Variants in ZNF521 observed in about 807,000 individuals in gnomAD.
ZNF521 encodes the protein LYST-interacting protein 3.
In ZNF521, 14 loss-of-function variants were observed where a neutral mutation model predicts 105.5. The ratio of observed to expected loss-of-function variants is 0.13; its 90% CI spans 0.09 to 0.21. The LOEUF is 0.21. Ranked by LOEUF, ZNF521 falls within the 10% of genes least tolerant of loss-of-function variation. The pLI is 1.00. For synonymous variants in ZNF521, 635 were observed against 606.0 expected, an observed-to-expected ratio of 1.05 and a Z score of -0.70; for missense variants, 1,233 against 1,629.7, an observed-to-expected ratio of 0.76 and a Z score of 4.19.
chr18:25,300,320 TG>T (rs1280761885), intron 3 of ZNF521, among the ~76,000 whole-genome samples: 1 of 152,234 alleles, frequency 6.6e-6, no homozygotes, highest in Admixed American at 6.5e-5. Context: ...AAATTCTTAT[TG>T]TTTTGTAGCT....
chr18:25,164,764 G>T (rs953907037), intron 5 of ZNF521, among the ~76,000 whole-genome samples: 1 of 152,208 alleles, frequency 6.6e-6, no homozygotes, highest in African/African-American at 2.4e-5. Context: ...CAGGAGGGGG[G>T]CACTCAATTC....
intron 2 of ZNF521, among the ~76,000 whole-genome samples, chr18:25,338,252 T>C (rs1458539539): frequency 7.0e-6 from 1 of 143,214 alleles, no homozygotes; most frequent in East Asian, 2.1e-4. Flanking sequence ...CAACCTCTCA[T>C]AGACTTTTGT....
intron 4 of ZNF521, among the ~76,000 whole-genome samples, chr18:25,215,997 T>C (rs924250005): frequency 2.0e-5 from 3 of 152,214 alleles, no homozygotes; most frequent in African/African-American, 4.8e-5. Context: ...TCCTGTAAAT[T>C]TTCTATTTAA....
In ZNF521 at chr18:25,322,191, A is replaced by C. The variant is rs1222305126; in HGVS notation, c.41-4T>G. 2 of 1,613,776 alleles carry C rather than the reference A, an allele frequency of 1.2e-6. No individual in the cohort carries two copies. Among genetic ancestry groups the C allele is most frequent in the Non-Finnish European group, 1.7e-6 (2 of 1,179,822 alleles). ...TCTTCAAGTTTACAGTTGGGGTCTG[A>C]AAAATATCAACACTGTAAGTATGGG... On this transcript the variant is annotated splice_region_variant and splice_polypyrimidine_tract_variant and intron_variant, in intron 2 of 7. Coordinates refer to ENST00000361524, the MANE Select transcript of ZNF521 (RefSeq NM_015461.3).
chr18:25,258,296 T>A (rs1268253503), intron 3 of ZNF521, among the ~76,000 whole-genome samples: 10 of 152,174 alleles, frequency 6.6e-5, no homozygotes, highest in Non-Finnish European at 1.5e-4. Flanking sequence ...GACAGCATTC[T>A]TAGAATATGC....
intron 3 of ZNF521, chr18:25,273,355 C>T (rs1909810845): frequency 6.7e-6 from 1 of 150,276 alleles, no homozygotes; most frequent in Admixed American, 6.6e-5. Flanking sequence ...TACTGGATAG[C>T]TTCCCTCACT....
chr18:25,339,546 A>G (rs774887264), intron 2 of ZNF521, among the ~76,000 whole-genome samples: 1 of 152,222 alleles, frequency 6.6e-6, no homozygotes, highest in Non-Finnish European at 1.5e-5. Context: ...GATATAGACA[A>G]TATGTCTCCT....
intron 4 of ZNF521, among the ~76,000 whole-genome samples, chr18:25,196,442 C>T (rs2035902974): frequency 6.6e-6 from 1 of 151,312 alleles, no homozygotes; most frequent in Admixed American, 6.6e-5. Flanking sequence ...AAACATTTAG[C>T]ATAATTCAAG....
intron 5 of ZNF521, among the ~76,000 whole-genome samples, chr18:25,147,310 A>G (rs964807417): frequency 1.3e-5 from 2 of 152,192 alleles, no homozygotes; most frequent in Non-Finnish European, 2.9e-5. Context: ...CATATTTTAT[A>G]AGGAAGTTTT....
At chr18:25,101,858 T>C (rs1354390790) in intron 5 of ZNF521, among the ~76,000 whole-genome samples, 3 of 152,166 alleles carry the variant, frequency 2.0e-5, no homozygotes, top group South Asian at 2.1e-4. Flanking sequence ...ACAGCAATAA[T>C]GATAAATGAA....
chr18:25,241,441 A>G (rs906023142), intron 3 of ZNF521, among the ~76,000 whole-genome samples: 22 of 152,210 alleles, frequency 1.4e-4, no homozygotes, highest in Admixed American at 1.4e-3. Flanking sequence ...AAACTTTGCC[A>G]TGCATTCCTC....
chr18:25,160,709 C>T (rs1414905486), intron 5 of ZNF521, among the ~76,000 whole-genome samples: 1 of 152,122 alleles, frequency 6.6e-6, no homozygotes, highest in Non-Finnish European at 1.5e-5. Flanking sequence ...AAGGTGAGAA[C>T]TTTTCCTCTG....
At chr18:25,221,366 TC>T (rs1465488745) in intron 4 of ZNF521, among the ~76,000 whole-genome samples, 2 of 152,182 alleles carry the variant, frequency 1.3e-5, no homozygotes, top group African/African-American at 4.8e-5. Context: ...TAAGTTTAAA[TC>T]CCTTTTAATT....
chr18:25,173,578 T>G (rs1323072321), intron 5 of ZNF521, among the ~76,000 whole-genome samples: 1 of 152,230 alleles, frequency 6.6e-6, no homozygotes, highest in East Asian at 1.9e-4. Context: ...TACAGCAGTA[T>G]GTGGATGTTT....
At position 25,069,298 on chromosome 18, in the gene ZNF521, C is replaced by T. The variant is rs199795795; in HGVS notation, c.3907-6557G>A. ...AGGATCCTGGGTTATTTCCCCTGAA[C>T]GTTAAGAGAAAAAATAGTCACAATG... On this transcript the variant is annotated intron_variant, in intron 7 of 7. Transcript: ENST00000361524. 3.5e-4 allele frequency among the ~76,000 whole-genome samples: 53 copies of T among 152,010 alleles called. No homozygotes were observed. In the East Asian group the frequency reaches 5.6e-3, roughly 16 times the overall value.
chr18:25,350,037 C>T (rs1048260630), intron 2 of ZNF521, among the ~76,000 whole-genome samples: 2 of 151,278 alleles, frequency 1.3e-5, no homozygotes, highest in African/African-American at 4.8e-5. Flanking sequence ...AGGAGGCGGC[C>T]GAGGAGGAGG....
intron 2 of ZNF521, among the ~76,000 whole-genome samples, chr18:25,340,775 C>T (rs1568088217): frequency 6.6e-6 from 1 of 152,074 alleles, no homozygotes; most frequent in African/African-American, 2.4e-5. Flanking sequence ...CTCTCCTAGC[C>T]TAGGGACACA....
intron 3 of ZNF521, among the ~76,000 whole-genome samples, chr18:25,257,087 C>T (rs1040620115): frequency 3.3e-5 from 5 of 152,048 alleles, no homozygotes; most frequent in South Asian, 2.1e-4. Flanking sequence ...GGGGTAGCAA[C>T]GCAGGATGGG....
intron 3 of ZNF521, among the ~76,000 whole-genome samples, chr18:25,305,611 T>C (rs534629457): frequency 2.6e-5 from 4 of 152,216 alleles, no homozygotes; most frequent in East Asian, 1.9e-4. Flanking sequence ...AAAAATGTAA[T>C]GAATGCAATT....
Sources: gnomAD v4.1 joint callset for allele counts (sites outside exome capture counted in the v4.1 genomes callset) on GRCh38, gnomAD v4.1.1 for gene constraint, MANE v1.5 for transcripts, NCBI Gene and HGNC (gene_info 2026-07-23, HGNC 2026-07-21) for gene names.